Variants in LINGO2 observed in about 807,000 individuals in gnomAD.
The protein encoded by LINGO2 is leucine rich repeat and Ig domain containing 2.
A neutral mutation model predicts 30.6 loss-of-function variants in LINGO2; 14 were observed. That is an observed-to-expected ratio of 0.46 (90% CI 0.30 to 0.72). LINGO2 has a LOEUF of 0.72. LINGO2 is among the 30% of genes least tolerant of loss of function. LINGO2 has a pLI of 0.07. For missense variants in LINGO2, 729 were observed against 751.7 expected, an observed-to-expected ratio of 0.97 and a Z score of 0.35; for synonymous variants, 317 against 288.5, an observed-to-expected ratio of 1.10 and a Z score of -1.00.
rs573311715 is a variant in LINGO2, at chr9:28,181,930, A to G, written c.-87+113278T>C. 1.2e-3 allele frequency among the ~76,000 whole-genome samples: 190 copies of G among 152,270 alleles called. 1 individual carries two copies. The highest frequency in any genetic ancestry group is 4.2e-3 in the African/African-American group (174 of 41,570). On this transcript the variant is annotated intron_variant, in intron 4 of 5. Coordinates refer to ENST00000379992, the Ensembl canonical transcript of LINGO2. ...TCAATGCTATTTCCATGAAACTACCATTGACATTCTTCACAGAATTAGAAA... is the reference window on the plus strand; with the variant it reads ...TCAATGCTATTTCCATGAAACTACCGTTGACATTCTTCACAGAATTAGAAA...
the LINGO2 span, among the ~76,000 whole-genome samples, chr9:28,922,864 T>C: frequency 6.6e-6 from 1 of 152,176 alleles, no homozygotes; most frequent in African/African-American, 2.4e-5. Context: ...TTGCAAATGT[T>C]ATTGAGAATC....
chr9:28,661,236 C>T (rs1393107222), intron 1 of LINGO2, among the ~76,000 whole-genome samples: 1 of 152,092 alleles, frequency 6.6e-6, no homozygotes, highest in African/African-American at 2.4e-5. Flanking sequence ...GCTATCCATT[C>T]TGTGAATTTG....
At chr9:28,436,981 C>A (rs570344217) in intron 2 of LINGO2, among the ~76,000 whole-genome samples, 6 of 152,134 alleles carry the variant, frequency 3.9e-5, no homozygotes, top group Non-Finnish European at 7.3e-5. Flanking sequence ...GAAGACCTGG[C>A]AGAGTGAACT....
At chr9:29,125,640 T>C in the LINGO2 span, among the ~76,000 whole-genome samples, 5 of 152,138 alleles carry the variant, frequency 3.3e-5, no homozygotes, top group Non-Finnish European at 7.4e-5. Context: ...CCAATAAATA[T>C]AACACTTATT....
intron 4 of LINGO2, among the ~76,000 whole-genome samples, chr9:28,017,266 C>G (rs1587697562): frequency 6.6e-6 from 1 of 152,126 alleles, no homozygotes; most frequent in Admixed American, 6.6e-5. Flanking sequence ...AAACATTCTC[C>G]TTGAGAACTA....
chr9:28,482,493 T>G (rs935852567), intron 1 of LINGO2, among the ~76,000 whole-genome samples: 1 of 152,108 alleles, frequency 6.6e-6, no homozygotes, highest in Non-Finnish European at 1.5e-5. Context: ...CTTGTAAATT[T>G]GTTTGAGTTC....
In LINGO2 at chr9:28,158,643, T is replaced by C. The variant is rs527935579; in HGVS notation, c.-87+136565A>G. Reference sequence around the variant, plus strand: ...GATGTGGGTGGGAGGGAGGCTTGTGTTATGATATCCCTAGGGTAACAATGA... The same window carrying C: ...GATGTGGGTGGGAGGGAGGCTTGTGCTATGATATCCCTAGGGTAACAATGA... On this transcript the variant is annotated intron_variant, in intron 4 of 5. Transcript: ENST00000379992. 1.2e-4 allele frequency among the ~76,000 whole-genome samples: 19 copies of C among 152,242 alleles called. No individual in the cohort carries two copies. The South Asian group carries it at 3.7e-3, about 30-fold the overall frequency.
chr9:28,561,757 ATAT>A, intron 1 of LINGO2, among the ~76,000 whole-genome samples: 1 of 108,154 alleles, frequency 9.2e-6, no homozygotes, highest in East Asian at 2.3e-4. Flanking sequence ...GTGTATATAT[ATAT>A]ATATATATAT....
At chr9:28,767,109 G>C in the LINGO2 span, among the ~76,000 whole-genome samples, 3 of 151,132 alleles carry the variant, frequency 2.0e-5, no homozygotes, top group East Asian at 5.8e-4. Context: ...ATGGAGAGAC[G>C]TAGGTCAAAG....
chr9:28,500,347 T>C (rs760388951), intron 1 of LINGO2, among the ~76,000 whole-genome samples: 1 of 152,164 alleles, frequency 6.6e-6, no homozygotes, highest in Non-Finnish European at 1.5e-5. Flanking sequence ...GCTGTATTCC[T>C]CTAAAGGCAG....
At chr9:28,348,568 G>C (rs895181009) in intron 3 of LINGO2, among the ~76,000 whole-genome samples, 9 of 152,172 alleles carry the variant, frequency 5.9e-5, no homozygotes, top group South Asian at 2.1e-4. Context: ...AGCGAGGCTG[G>C]GGGAGGGGCG....
At chr9:28,065,779 T>C (rs1019826464) in intron 4 of LINGO2, among the ~76,000 whole-genome samples, 2 of 152,036 alleles carry the variant, frequency 1.3e-5, no homozygotes, top group Non-Finnish European at 2.9e-5. Flanking sequence ...TATCTACATG[T>C]GAAAGGCTCA....
chr9:28,970,532 C>T, the LINGO2 span, among the ~76,000 whole-genome samples: 2 of 152,120 alleles, frequency 1.3e-5, no homozygotes, highest in African/African-American at 4.8e-5. Context: ...CCCCCACCCC[C>T]CAGCAGTGGC....
chr9:28,822,182 A>G, the LINGO2 span, among the ~76,000 whole-genome samples: 1 of 152,130 alleles, frequency 6.6e-6, no homozygotes, highest in Non-Finnish European at 1.5e-5. Context: ...ATCTCACACC[A>G]AAGCATACTC....
At chr9:27,982,990 C>A (rs1259831711) in intron 5 of LINGO2, among the ~76,000 whole-genome samples, 1 of 151,778 alleles carries the variant, frequency 6.6e-6, no homozygotes, top group Non-Finnish European at 1.5e-5. Context: ...CCTACTTATA[C>A]TTCTCGGTCA....
At chr9:28,323,522 C>T (rs1410712551) in intron 3 of LINGO2, among the ~76,000 whole-genome samples, 2 of 152,124 alleles carry the variant, frequency 1.3e-5, no homozygotes, top group African/African-American at 4.8e-5. Flanking sequence ...ATCACTTGAA[C>T]CTGGGAGGCA....
intron 2 of LINGO2, among the ~76,000 whole-genome samples, chr9:28,423,075 G>C (rs1442477408): frequency 2.0e-5 from 3 of 152,032 alleles, no homozygotes; most frequent in African/African-American, 7.2e-5. Context: ...AGTTTTGCAG[G>C]ACGAAAAGAG....
chr9:29,130,049 G>A, the LINGO2 span, among the ~76,000 whole-genome samples: 1 of 152,106 alleles, frequency 6.6e-6, no homozygotes, highest in Non-Finnish European at 1.5e-5. Context: ...ATTTAAGTGA[G>A]ATAGGAAAAT....
At chr9:28,824,631 G>A in the LINGO2 span, among the ~76,000 whole-genome samples, 1 of 152,182 alleles carries the variant, frequency 6.6e-6, no homozygotes, top group South Asian at 2.1e-4. Context: ...CAGCAGGAAA[G>A]ACTGATTAAT....
Sources: gnomAD v4.1 joint callset for allele counts (sites outside exome capture counted in the v4.1 genomes callset) on GRCh38, gnomAD v4.1.1 for gene constraint, MANE v1.5 for transcripts, NCBI Gene and HGNC (gene_info 2026-07-23, HGNC 2026-07-21) for gene names.